Variants in NEB observed in about 807,000 individuals in gnomAD.
NEB encodes the protein nemaline myopathy type 2.
NEB carries 512 observed loss-of-function variants against 952.2 expected under a neutral mutation model. The ratio of observed to expected loss-of-function variants is 0.54; its 90% CI spans 0.50 to 0.58. NEB has a LOEUF of 0.58. NEB is among the 20% of genes least tolerant of loss of function. The pLI, the probability that NEB is intolerant of heterozygous loss-of-function variation, is 0.00. For missense variants in NEB, 8,428 were observed against 9,231.1 expected, an observed-to-expected ratio of 0.91 and a Z score of 3.56; for synonymous variants, 2,900 against 3,149.8, an observed-to-expected ratio of 0.92 and a Z score of 2.66.
rs377452683 is a variant in NEB, at chr2:151,727,801, ATGCTGGCTGTGCCAG to A, written c.169_183del (p.Leu57_Ala61del). The stretch of plus-strand genomic sequence containing the variant: ...TTCCTCCTCTCCACCGGCTTTGCTG[ATGCTGGCTGTGCCAG>A]TGCTGGCTGTGCCAGAGCTGGTTTG... On this transcript the variant is annotated inframe_deletion, in exon 5 of 182. Coordinates refer to ENST00000397345, the MANE Select transcript of NEB (RefSeq NM_001164508.2). The A allele has an allele frequency of 4.6e-3, 7,358 of 1,611,950 alleles. 100 individuals carry two copies. In the African/African-American group the frequency reaches 0.046, roughly 10 times the overall value.
chr2:151,625,719 G>T, intron 70 of NEB, 81 bp from the exon 71 acceptor site: 1 of 883,140 alleles, frequency 1.1e-6, no homozygotes, highest in Non-Finnish European at 1.6e-6. Flanking sequence ...CCATGACAAA[G>T]TTGAGAGCCA....
At chr2:151,578,673 A>AGGAG (rs1475325811) in intron 105 of NEB, among the ~76,000 whole-genome samples, 2 of 146,920 alleles carry the variant, frequency 1.4e-5, no homozygotes, top group African/African-American at 5.0e-5. Flanking sequence ...CAAGGAGGGA[A>AGGAG]GGAGGGAAGG....
chr2:151,532,746 CT>C (rs5835372), intron 143 of NEB, among the ~76,000 whole-genome samples: 96,997 of 149,808 alleles, frequency 0.65, 31,479 homozygotes, highest in East Asian at 0.78. Context: ...GCTCAATTAA[CT>C]TTTTTTTTTT....
intron 141 of NEB, 39 bp downstream of exon 141, chr2:151,537,093 G>T: frequency 7.7e-7 from 1 of 1,293,988 alleles, no homozygotes; most frequent in Non-Finnish European, 1.1e-6. Context: ...ACAGGTATAT[G>T]TCGAATGGAT....
Position 151,643,130 on chromosome 2 carries a change from C to G in NEB, c.8160+20G>C. ...AAACAAAAAAAATTAATAACCTCCT[C>G]AAACAAACATAGGACTTACATGATT... On this transcript the variant is annotated intron_variant, in intron 58 of 181. Coordinates refer to ENST00000397345, the MANE Select transcript of NEB (RefSeq NM_001164508.2). The G allele has an allele frequency of 1.6e-5, 26 of 1,594,922 alleles. No homozygotes were observed. The highest frequency in any genetic ancestry group is 2.2e-5 in the Non-Finnish European group (26 of 1,166,638).
At position 151,531,024 on chromosome 2, in the gene NEB, A is replaced by G. The variant is rs2090434299; in HGVS notation, c.21600T>C (p.His7200=). The part of the protein sequence containing the change: ...TTIHDTPMLL[H]VRKVKDEVSD... ...TGACTTCATCTTTAACCTTGCGGAC[A>G]TGCAGCAACATGGGTGTGTCGTGGA... is the stretch of plus-strand genomic sequence containing the variant. The change falls in exon 145 of 182, where the codon CAT becomes CAC. Residue 7200 remains histidine (H), a synonymous_variant. Coordinates refer to ENST00000397345, the MANE Select transcript of NEB (RefSeq NM_001164508.2). 1 of 1,613,504 alleles carries G rather than the reference A, an allele frequency of 6.2e-7. No homozygotes were observed. The highest frequency in any genetic ancestry group is 1.1e-5 in the South Asian group (1 of 90,974).
intron 58 of NEB, 63 bp from the exon 59 acceptor site, chr2:151,642,932 C>A: frequency 7.4e-7 from 1 of 1,354,440 alleles, no homozygotes. Flanking sequence ...TGCAGACAGT[C>A]TGATTTTTAA....
rs186269502 is a variant in NEB, at chr2:151,565,363, T to C, written c.18366+138A>G. On this transcript the variant is annotated intron_variant, in intron 116 of 181. Coordinates refer to ENST00000397345, the MANE Select transcript of NEB (RefSeq NM_001164508.2). ...CCACCTGCTAGTGACTTTTAAGACA[T>C]ACCCCCCAAAGATGATCTTAGAATT... The C allele has an allele frequency of 1.0e-4, 75 of 717,162 alleles. 2 individuals carry two copies. Among genetic ancestry groups the C allele is most frequent in the East Asian group, 9.7e-4 (36 of 37,122 alleles). The allele number at this position is 717,162 out of a possible 1,614,324, so 44.4% of individuals were successfully genotyped here.
chr2:151,496,824 T>TAAAG lies in NEB; in HGVS notation c.24393+113_24393+116dup, dbSNP rs1012509956. 1.8e-5 allele frequency: 22 copies of TAAAG among 1,238,894 alleles called. No homozygotes were observed. The East Asian group carries it at 3.1e-4, about 17-fold the overall frequency. The allele number at this position is 1,238,894 out of a possible 1,614,324, so 76.7% of individuals were successfully genotyped here. ...CCAAAGGAAAAAAGGATAAATTTGC[T>TAAAG]AAAGAAAGAAGTTCACAAAATTTGT... On this transcript the variant is annotated intron_variant, in intron 172 of 181. Coordinates refer to ENST00000397345, the MANE Select transcript of NEB (RefSeq NM_001164508.2).
At chr2:151,625,001 C>T (rs1203647944) in intron 71 of NEB, among the ~76,000 whole-genome samples, 1 of 152,098 alleles carries the variant, frequency 6.6e-6, no homozygotes, top group African/African-American at 2.4e-5. Flanking sequence ...ATTTTGAGCA[C>T]ATTAAATACA....
intron 83 of NEB, among the ~76,000 whole-genome samples, chr2:151,607,119 T>C (rs1244186243): frequency 2.9e-5 from 3 of 103,520 alleles, no homozygotes; most frequent in African/African-American, 7.7e-5. Context: ...AGTTGTGACA[T>C]AGATATCATA....
At chr2:151,656,946 C>T (rs921131607) in intron 48 of NEB, among the ~76,000 whole-genome samples, 3 of 152,090 alleles carry the variant, frequency 2.0e-5, no homozygotes, top group African/African-American at 7.2e-5. Flanking sequence ...AATTATGAGA[C>T]ACACAGTGTA....
At chr2:151,674,040 C>G (rs1387681478) in intron 36 of NEB, among the ~76,000 whole-genome samples, 5 of 152,114 alleles carry the variant, frequency 3.3e-5, no homozygotes, top group Admixed American at 3.3e-4. Context: ...TTACATGAAT[C>G]AAAATTATAT....
intron 54 of NEB, among the ~76,000 whole-genome samples, 182 bp downstream of exon 54, chr2:151,649,994 C>T (rs1223855114): frequency 6.6e-6 from 1 of 152,000 alleles, no homozygotes; most frequent in Non-Finnish European, 1.5e-5. Context: ...TGACACTGAC[C>T]CATTTTTACA....
At chr2:151,576,048 G>T in intron 106 of NEB, 103 bp downstream of exon 106, 1 of 946,778 alleles carries the variant, frequency 1.1e-6, no homozygotes, top group Non-Finnish European at 1.5e-6. Context: ...TAAAATTTTT[G>T]TTATTAATAA....
intron 75 of NEB, among the ~76,000 whole-genome samples, chr2:151,616,899 C>T (rs966702276): frequency 6.6e-6 from 1 of 152,032 alleles, no homozygotes; most frequent in Non-Finnish European, 1.5e-5. Flanking sequence ...CATATATGGA[C>T]CTGGGATTTC....
chr2:151,547,502 T>A lies in NEB; in HGVS notation c.20294A>T (p.Gln6765Leu). 6.2e-7 allele frequency: 1 copy of A among 1,606,590 alleles called. No individual in the cohort carries two copies. Among genetic ancestry groups the A allele is most frequent in the Non-Finnish European group, 8.5e-7 (1 of 1,176,636 alleles). ...LIYKSDFFKM[Q>L]GHMISLPYTP... Reference sequence around the variant, plus strand: ...GTATGGCAGAGAGATCATGTGGCCCTGCATCTTGAAGAAGTCTGATTTGTA... The same window carrying A: ...GTATGGCAGAGAGATCATGTGGCCCAGCATCTTGAAGAAGTCTGATTTGTA... The change falls in exon 133 of 182, where the codon CAG becomes CTG. Residue 6765 changes from glutamine (Q) to leucine (L), a missense_variant. Transcript: ENST00000397345.
intron 88 of NEB, among the ~76,000 whole-genome samples, 192 bp from the exon 89 acceptor site, chr2:151,600,945 T>C (rs2097476178): frequency 2.3e-5 from 1 of 43,202 alleles, no homozygotes; most frequent in Non-Finnish European, 3.9e-5. Context: ...CATGAAAACA[T>C]TGAGAGCATC....
intron 179 of NEB, 109 bp from the exon 180 acceptor site, chr2:151,490,627 T>C (rs2055660570): frequency 7.3e-7 from 1 of 1,364,634 alleles, no homozygotes; most frequent in African/African-American, 1.4e-5. Context: ...AGCATGGTTT[T>C]AAGTACTTTC....
Sources: gnomAD v4.1 joint callset for allele counts (sites outside exome capture counted in the v4.1 genomes callset) on GRCh38, gnomAD v4.1.1 for gene constraint, MANE v1.5 for transcripts, NCBI Gene and HGNC (gene_info 2026-07-23, HGNC 2026-07-21) for gene names.